GBE1: variants seen among roughly 807,000 people sequenced by gnomAD.
GBE1 encodes 1,4-alpha-glucan-branching enzyme.
Under a neutral mutation model 88.8 loss-of-function variants are expected in GBE1, and 70 were observed. The observed-to-expected ratio is 0.79, with a 90% confidence interval of 0.65 to 0.96. The LOEUF (loss-of-function observed/expected upper bound fraction) is 0.96. Among genes scored for constraint, GBE1 ranks in the 40% least tolerant of loss-of-function variants. The probability of loss-of-function intolerance (pLI) is 0.00; values close to 1 mark genes in which losing one functional copy is unlikely to be tolerated. For missense variants in GBE1, 872 were observed against 871.0 expected (o/e 1.00, Z -0.01); for synonymous variants, 284 against 300.1 (o/e 0.95, Z 0.56).
chr3:81,548,428 TGGCTTTCTTTG>T (rs1216567389), intron 12 of GBE1, among the ~76,000 whole-genome samples: 1 of 151,454 alleles, frequency 6.6e-6, no homozygotes, highest in Non-Finnish European at 1.5e-5. Context: ...AAATAGTGTT[TGGCTTTCTTTG>T]GGCTATATTT....
At chr3:81,597,473 AT>A (rs1342867877) in intron 7 of GBE1, among the ~76,000 whole-genome samples, 2 of 133,812 alleles carry the variant, frequency 1.5e-5, no homozygotes, top group East Asian at 4.8e-4. Flanking sequence ...ATATATATAT[AT>A]ATCTCAAAAT....
At chr3:81,731,496 A>G (rs1255118942) in intron 1 of GBE1, among the ~76,000 whole-genome samples, 4 of 152,166 alleles carry the variant, frequency 2.6e-5, no homozygotes, top group Non-Finnish European at 4.4e-5. Context: ...TCCTTAGATG[A>G]TAACATTTTG....
chr3:81,574,285 A>C (rs1481262793), intron 12 of GBE1, among the ~76,000 whole-genome samples: 1 of 152,232 alleles, frequency 6.6e-6, no homozygotes, highest in African/African-American at 2.4e-5. Context: ...GTAACTGATA[A>C]TATTAAAATA....
At chr3:81,561,068 C>T (rs1703410069) in intron 12 of GBE1, among the ~76,000 whole-genome samples, 1 of 151,866 alleles carries the variant, frequency 6.6e-6, no homozygotes, top group South Asian at 2.1e-4. Context: ...TGCTGTATTA[C>T]AAAATTCCTT....
chr3:81,533,163 G>C (rs1381269493), intron 14 of GBE1, among the ~76,000 whole-genome samples: 2 of 152,068 alleles, frequency 1.3e-5, no homozygotes, highest in Admixed American at 6.6e-5. Flanking sequence ...TGATTATATT[G>C]CACTACCAAG....
intron 2 of GBE1, among the ~76,000 whole-genome samples, chr3:81,676,668 G>A (rs934589065): frequency 1.3e-5 from 2 of 151,662 alleles, no homozygotes. Context: ...TTACTTAAGT[G>A]CTGGGATACA....
rs148292385 is a variant in GBE1, at chr3:81,564,432, A to G, written c.1618+13493T>C. Among the ~76,000 whole-genome samples, 5 of 152,278 alleles carry G rather than the reference A, an allele frequency of 3.3e-5. No individual in the cohort carries two copies. In the East Asian group the frequency reaches 9.7e-4, roughly 29 times the overall value. ...CAATCACAAATATCCCAAAGGAAGA[A>G]ATGTAGCAGTATTTCCGGGGCATCC... On this transcript the variant is annotated intron_variant, in intron 12 of 15. Coordinates refer to ENST00000429644, the MANE Select transcript of GBE1 (RefSeq NM_000158.4).
At chr3:81,568,714 C>T (rs1703530884) in intron 12 of GBE1, among the ~76,000 whole-genome samples, 1 of 151,938 alleles carries the variant, frequency 6.6e-6, no homozygotes, top group African/African-American at 2.4e-5. Context: ...AAAAGGTTGA[C>T]TTAAGGGAGG....
At chr3:81,644,265 A>G (rs1445726688) in intron 6 of GBE1, among the ~76,000 whole-genome samples, 1 of 152,196 alleles carries the variant, frequency 6.6e-6, no homozygotes, top group East Asian at 1.9e-4. Context: ...AGTGTCCTAA[A>G]GAAAACAAAG....
intron 1 of GBE1, among the ~76,000 whole-genome samples, chr3:81,721,920 T>C (rs1449190524): frequency 1.3e-5 from 2 of 152,222 alleles, no homozygotes; most frequent in Non-Finnish European, 2.9e-5. Flanking sequence ...CTGTACTTGT[T>C]GCACAAATGA....
chr3:81,704,332 TGAA>T (rs1705741549), intron 2 of GBE1, among the ~76,000 whole-genome samples: 1 of 152,068 alleles, frequency 6.6e-6, no homozygotes, highest in African/African-American at 2.4e-5. Flanking sequence ...TCAGGTTCCT[TGAA>T]GAATAATTTA....
chr3:81,636,048 C>A (rs1244048706), intron 7 of GBE1, among the ~76,000 whole-genome samples: 8 of 152,148 alleles, frequency 5.3e-5, no homozygotes, highest in Non-Finnish European at 1.2e-4. Flanking sequence ...AATCCTTACT[C>A]CTGTGCTACA....
intron 3 of GBE1, among the ~76,000 whole-genome samples, chr3:81,652,550 C>T (rs1436575708): frequency 6.6e-6 from 1 of 152,066 alleles, no homozygotes; most frequent in Non-Finnish European, 1.5e-5. Context: ...GAATTGCAAC[C>T]AACTGTTAAG....
At chr3:81,700,639 C>T (rs576718682) in intron 2 of GBE1, among the ~76,000 whole-genome samples, 5 of 151,900 alleles carry the variant, frequency 3.3e-5, no homozygotes, top group East Asian at 3.9e-4. Context: ...TTTCAGAGCA[C>T]GTGGGATTAA....
intron 7 of GBE1, among the ~76,000 whole-genome samples, chr3:81,623,444 C>A (rs1704360223): frequency 6.6e-6 from 1 of 152,186 alleles, no homozygotes; most frequent in African/African-American, 2.4e-5. Flanking sequence ...TAGCTGGTTG[C>A]CTTTTTCTTC....
chr3:81,535,920 A>G (rs1277308654), intron 13 of GBE1, among the ~76,000 whole-genome samples: 3 of 151,966 alleles, frequency 2.0e-5, no homozygotes, highest in African/African-American at 7.2e-5. Context: ...ATCATCATGT[A>G]TTTACAGTTG....
intron 12 of GBE1, among the ~76,000 whole-genome samples, chr3:81,575,889 A>G (rs1011346359): frequency 6.6e-6 from 1 of 151,914 alleles, no homozygotes; most frequent in African/African-American, 2.4e-5. Context: ...TTGTTACTTT[A>G]AAAAAAATGC....
At chr3:81,650,239 G>A (rs1704826333) in intron 3 of GBE1, 1 of 181,044 alleles carries the variant, frequency 5.5e-6, no homozygotes, top group African/African-American at 2.4e-5. Flanking sequence ...TTATTTGGAA[G>A]CTTCTGTCAA....
At chr3:81,515,686 C>T (rs928129468) in intron 14 of GBE1, among the ~76,000 whole-genome samples, 3 of 151,528 alleles carry the variant, frequency 2.0e-5, no homozygotes, top group African/African-American at 4.8e-5. Flanking sequence ...TCCCTTATGC[C>T]AAAGAGTTAG....
Sources: allele counts gnomAD v4.1 joint callset (sites outside exome capture counted in the v4.1 genomes callset), GRCh38; gene constraint gnomAD v4.1.1; transcripts MANE v1.5; gene names NCBI Gene and HGNC (gene_info 2026-07-23, HGNC 2026-07-21).